PRKG2: variants seen among roughly 807,000 people sequenced by gnomAD.
The protein encoded by PRKG2 is cGMP-dependent protein kinase 2.
A neutral mutation model predicts 97.2 loss-of-function variants in PRKG2; 33 were observed. The observed-to-expected ratio is 0.34, with a 90% confidence interval of 0.26 to 0.45. The LOEUF (loss-of-function observed/expected upper bound fraction) is 0.45. PRKG2 is among the 20% of genes least tolerant of loss of function. The pLI is 1.00. For missense variants in PRKG2, 638 were observed against 900.0 expected, an observed-to-expected ratio of 0.71 and a Z score of 3.73; for synonymous variants, 330 against 321.8, an observed-to-expected ratio of 1.03 and a Z score of -0.27.
intron 17 of PRKG2, among the ~76,000 whole-genome samples, chr4:81,095,463 T>A (rs1420418983): frequency 6.6e-6 from 1 of 152,194 alleles, no homozygotes; most frequent in Non-Finnish European, 1.5e-5. Flanking sequence ...TTTAACATAT[T>A]TTACAATGCT....
At chr4:81,094,116 C>G (rs1741879447) in intron 17 of PRKG2, among the ~76,000 whole-genome samples, 1 of 152,134 alleles carries the variant, frequency 6.6e-6, no homozygotes, top group African/African-American at 2.4e-5. Flanking sequence ...GTAACTGAAA[C>G]AAATGTTTCC....
At chr4:81,099,868 C>T (rs1320573860) in intron 17 of PRKG2, among the ~76,000 whole-genome samples, 3 of 152,156 alleles carry the variant, frequency 2.0e-5, no homozygotes, top group African/African-American at 7.2e-5. Context: ...AGCAAAGTCT[C>T]AGGATACAAA....
At chr4:81,122,980 A>G (rs1745210900) in intron 14 of PRKG2, among the ~76,000 whole-genome samples, 1 of 152,198 alleles carries the variant, frequency 6.6e-6, no homozygotes, top group South Asian at 2.1e-4. Flanking sequence ...CATTTTTGCT[A>G]CTTGATGAAA....
chr4:81,181,833 G>T (rs966559439), intron 2 of PRKG2, among the ~76,000 whole-genome samples: 2 of 151,736 alleles, frequency 1.3e-5, no homozygotes, highest in African/African-American at 4.8e-5. Flanking sequence ...TTTTTAAAAT[G>T]ACATCATTTA....
chr4:81,111,419 C>T (rs1743950978), intron 14 of PRKG2, among the ~76,000 whole-genome samples: 1 of 146,028 alleles, frequency 6.8e-6, no homozygotes, highest in African/African-American at 2.7e-5. Flanking sequence ...TCATGTTATA[C>T]ATGATTAATA....
At chr4:81,106,192 A>G (rs1489596853) in intron 15 of PRKG2, among the ~76,000 whole-genome samples, 1 of 151,754 alleles carries the variant, frequency 6.6e-6, no homozygotes, top group Non-Finnish European at 1.5e-5. Context: ...TAATAAAATA[A>G]AGAAAGGGAC....
intron 1 of PRKG2, among the ~76,000 whole-genome samples, chr4:81,214,024 T>G (rs1003611287): frequency 1.3e-5 from 2 of 151,832 alleles, no homozygotes; most frequent in African/African-American, 4.8e-5. Context: ...ACAGCTAGTG[T>G]ATGTTATGTG....
chr4:81,090,334 G>T (rs933029956), intron 18 of PRKG2, among the ~76,000 whole-genome samples: 15 of 151,882 alleles, frequency 9.9e-5, no homozygotes, highest in African/African-American at 3.6e-4. Context: ...CTCCAGCCTG[G>T]GTAACAGAGT....
chr4:81,166,311 G>T (rs78804684), intron 6 of PRKG2, among the ~76,000 whole-genome samples: 16,586 of 151,644 alleles, frequency 0.11, 1,088 homozygotes, highest in Middle Eastern at 0.21. Flanking sequence ...GGTTTTGGGG[G>T]TTTTTTTTCC....
intron 3 of PRKG2, among the ~76,000 whole-genome samples, chr4:81,173,163 C>T (rs531540675): frequency 6.6e-6 from 1 of 152,166 alleles, no homozygotes; most frequent in Non-Finnish European, 1.5e-5. Flanking sequence ...GCTATTCATG[C>T]TATGTTTCAT....
intron 7 of PRKG2, chr4:81,153,401 G>T: frequency 2.6e-6 from 1 of 378,498 alleles, no homozygotes; most frequent in Non-Finnish European, 4.8e-6. Flanking sequence ...ATTAAGCTAG[G>T]TCTCTCCCCA....
At chr4:81,165,526 AAATC>A (rs1749906069) in intron 6 of PRKG2, among the ~76,000 whole-genome samples, 1 of 152,168 alleles carries the variant, frequency 6.6e-6, no homozygotes, top group Non-Finnish European at 1.5e-5. Context: ...CTATGCTGGT[AAATC>A]ACATGCATTT....
chr4:81,113,370 C>CTT (rs5859760), intron 14 of PRKG2, among the ~76,000 whole-genome samples: 47 of 151,212 alleles, frequency 3.1e-4, no homozygotes, highest in African/African-American at 9.7e-4. Flanking sequence ...AGCACCCCCC[C>CTT]TTTTTTTTCA....
chr4:81,115,069 T>C (rs1219087076), intron 14 of PRKG2, among the ~76,000 whole-genome samples: 1 of 152,154 alleles, frequency 6.6e-6, no homozygotes, highest in East Asian at 1.9e-4. Flanking sequence ...TTTCCAATCG[T>C]GTATTATTGC....
chr4:81,107,519 T>C (rs1203729670), intron 15 of PRKG2, among the ~76,000 whole-genome samples: 1 of 152,044 alleles, frequency 6.6e-6, no homozygotes, highest in Non-Finnish European at 1.5e-5. Flanking sequence ...TTTATTTATT[T>C]ATCTATTTAT....
chr4:81,114,912 G>A (rs1744356004), intron 14 of PRKG2, among the ~76,000 whole-genome samples: 1 of 151,632 alleles, frequency 6.6e-6, no homozygotes, highest in African/African-American at 2.4e-5. Flanking sequence ...ATTTGATCTT[G>A]GGCAAATGTC....
At chr4:81,137,312 TA>T in intron 13 of PRKG2, 80 bp downstream of exon 13, 2 of 1,024,860 alleles carry the variant, frequency 2.0e-6, no homozygotes, top group South Asian at 1.4e-5. Flanking sequence ...AATAATTTCC[TA>T]ATGATTTCCT....
chr4:81,155,477 A>T (rs58812398), intron 6 of PRKG2, among the ~76,000 whole-genome samples: 1 of 151,996 alleles, frequency 6.6e-6, no homozygotes, highest in African/African-American at 2.4e-5. Context: ...AGTGATGGGG[A>T]GAACGGAACC....
intron 14 of PRKG2, among the ~76,000 whole-genome samples, chr4:81,122,736 A>G (rs1745185860): frequency 6.6e-6 from 1 of 152,164 alleles, no homozygotes; most frequent in African/African-American, 2.4e-5. Context: ...TTGATGAAGG[A>G]GGATGAAAAT....
Sources: gnomAD v4.1 joint callset for allele counts (sites outside exome capture counted in the v4.1 genomes callset) on GRCh38, gnomAD v4.1.1 for gene constraint, MANE v1.5 for transcripts, NCBI Gene and HGNC (gene_info 2026-07-23, HGNC 2026-07-21) for gene names.